Variants in ARHGEF10 observed in about 807,000 individuals in gnomAD.
ARHGEF10 encodes the protein Rho guanine nucleotide exchange factor (GEF) 10.
Under a neutral mutation model 147.4 loss-of-function variants are expected in ARHGEF10, and 140 were observed. The ratio of observed to expected loss-of-function variants is 0.95; its 90% confidence interval spans 0.83 to 1.09. The LOEUF is 1.09. Ranked by LOEUF, ARHGEF10 falls within the 50% of genes least tolerant of loss-of-function variation. The pLI is 0.00. For missense variants in ARHGEF10, 2,222 were observed against 1,752.7 expected (o/e 1.27, Z -4.78); for synonymous variants, 902 against 695.8 (o/e 1.30, Z -4.67).
rs769247892 is a variant in ARHGEF10 at position 1,905,611 on chromosome 8, A to G, written c.1862A>G (p.Asp621Gly). Residue 621 changes from aspartate (D) to glycine (G), a missense_variant, in exon 17 of 29, where the codon GAT becomes GGT. Asp to Gly is a moderately conservative substitution (Grantham distance 94). Transcript: ENST00000349830. ...SGSRYLIRSDDMIETVYNDRG... is the reference protein window; with the variant it reads ...SGSRYLIRSDGMIETVYNDRG... The stretch of plus-strand genomic sequence containing the variant: ...AGCCGATACCTCATTCGATCAGATG[A>G]TATGATAGAAACAGTTTACAACGAC... The G allele has an allele frequency of 7.4e-6, 12 of 1,614,096 alleles. No homozygotes were observed. Among genetic ancestry groups the G allele is most frequent in the African/African-American group, 1.3e-5 (1 of 74,918 alleles).
chr8:1,881,565 C>T (rs1234976071), intron 9 of ARHGEF10, among the ~76,000 whole-genome samples: 1 of 147,146 alleles, frequency 6.8e-6, no homozygotes, highest in African/African-American at 2.6e-5. Context: ...GCAGGGGAGC[C>T]CCCGGGGGAT....
chr8:1,826,587 C>T (rs1194021101), intron 1 of ARHGEF10, among the ~76,000 whole-genome samples: 1 of 152,132 alleles, frequency 6.6e-6, no homozygotes, highest in African/African-American at 2.4e-5. Flanking sequence ...TACGAAGTTG[C>T]TAGAAGGCGT....
At chr8:1,823,412 G>T (rs547319298), upstream of ARHGEF10, among the ~76,000 whole-genome samples, 4 of 151,890 alleles carry the variant, frequency 2.6e-5, no homozygotes, top group East Asian at 7.8e-4. Flanking sequence ...TCCTCGGCTG[G>T]GCGCACCCCG....
At chr8:1,863,206 C>G (rs1466317428) in intron 4 of ARHGEF10, among the ~76,000 whole-genome samples, 3 of 152,136 alleles carry the variant, frequency 2.0e-5, no homozygotes, top group African/African-American at 7.2e-5. Flanking sequence ...AGGAAGGTGG[C>G]CCGGAACACT....
rs762392908 is a variant in ARHGEF10, at chr8:1,869,422, A to ATG, written c.679+181_679+182dup. ...GTGGAATATTGGTGTTTGTGCACAT[A>ATG]TGTGTGTGTGCTTATAACCCTTGAA... On this transcript the variant is annotated intron_variant, in intron 7 of 28. Transcript: ENST00000349830. The ATG allele has an allele frequency of 4.2e-6, 3 of 715,202 alleles. No homozygotes were observed. In the African/African-American group the frequency reaches 5.2e-5, roughly 12 times the overall value. The allele number at this position is 715,202 out of a possible 1,614,324, so 44.3% of individuals were successfully genotyped here. A position where few individuals can be genotyped will look rare whatever the true frequency, so the allele number is the denominator to read the frequency against.
chr8:1,857,949 T>A lies in ARHGEF10; in HGVS notation c.38-11T>A. The A allele has an allele frequency of 6.3e-7, 1 of 1,594,650 alleles. No homozygotes were observed. The highest frequency in any genetic ancestry group is 8.6e-7 in the Non-Finnish European group (1 of 1,166,836). The stretch of plus-strand genomic sequence containing the variant: ...ATCTCTCCTTGATGTGGTTTTGGTT[T>A]TTCTTTTTAGAAAATGAAATGAAAT... On this transcript the variant is annotated splice_polypyrimidine_tract_variant and intron_variant, in intron 2 of 28. Coordinates refer to ENST00000349830, the MANE Select transcript of ARHGEF10 (RefSeq NM_014629.4).
chr8:1,823,476 C>T (rs112279097), upstream of ARHGEF10, among the ~76,000 whole-genome samples: 37 of 152,186 alleles, frequency 2.4e-4, no homozygotes, highest in Middle Eastern at 6.8e-3. Flanking sequence ...GCCCGACGCC[C>T]CCTCCCTCAG....
chr8:1,839,040 C>T lies in ARHGEF10; in HGVS notation c.-47-4313C>T, dbSNP rs189921672. ...ATGTGGGGACTGTCCAGCGTGGAAGCTGTCTGGTGTGGAAGCTGTCCGATA... is the reference window on the plus strand; with the variant it reads ...ATGTGGGGACTGTCCAGCGTGGAAGTTGTCTGGTGTGGAAGCTGTCCGATA... On this transcript the variant is annotated intron_variant, in intron 1 of 28. Coordinates refer to ENST00000349830, the MANE Select transcript of ARHGEF10 (RefSeq NM_014629.4). 2.1e-3 allele frequency among the ~76,000 whole-genome samples: 312 copies of T among 152,042 alleles called. 2 individuals are homozygous for T. The highest frequency in any genetic ancestry group is 7.3e-3 in the African/African-American group (304 of 41,444).
At chr8:1,902,283 G>A (rs901938984) in intron 15 of ARHGEF10, among the ~76,000 whole-genome samples, 10 of 152,092 alleles carry the variant, frequency 6.6e-5, no homozygotes, top group Admixed American at 1.3e-4. Flanking sequence ...AAACGTCAGC[G>A]TGTCGAATGT....
intron 2 of ARHGEF10, among the ~76,000 whole-genome samples, chr8:1,854,558 A>G (rs1005296268): frequency 1.4e-5 from 2 of 138,628 alleles, no homozygotes; most frequent in African/African-American, 2.5e-5. Context: ...AGTGTCTGCC[A>G]GTCTTTCAAT....
rs1815745681 is a variant in ARHGEF10 at position 1,958,401 on chromosome 8, A to C, written c.*1138A>C. 1 of 152,200 alleles carries C rather than the reference A, an allele frequency of 6.6e-6. No individual in the cohort carries two copies. Among genetic ancestry groups the C allele is most frequent in the Non-Finnish European group, 1.5e-5 (1 of 68,040 alleles). The allele number at this position is 152,200 out of a possible 1,614,324, so 9.4% of individuals were successfully genotyped here. A position where few individuals can be genotyped will look rare whatever the true frequency, so the allele number is the denominator to read the frequency against. ...ATACTTAGTGAGCGCCATCCTGCTGAACGTGTATTTCAGTGTTTCACTTAC... is the reference window on the plus strand; with the variant it reads ...ATACTTAGTGAGCGCCATCCTGCTGCACGTGTATTTCAGTGTTTCACTTAC... On this transcript the variant is annotated 3_prime_UTR_variant, in exon 29 of 29. Coordinates refer to ENST00000349830, the MANE Select transcript of ARHGEF10 (RefSeq NM_014629.4).
intron 22 of ARHGEF10, 67 bp from the exon 23 acceptor site, chr8:1,926,310 C>G (rs576124557): frequency 2.3e-6 from 3 of 1,280,662 alleles, no homozygotes; most frequent in South Asian, 2.4e-5. Context: ...CCATTTAAGA[C>G]GTTATGTAGT....
chr8:1,946,958 T>G (rs1000434710), intron 27 of ARHGEF10, among the ~76,000 whole-genome samples: 6 of 152,190 alleles, frequency 3.9e-5, no homozygotes, highest in African/African-American at 1.4e-4. Flanking sequence ...CTACAGGAGA[T>G]TTCTCTTAGT....
At chr8:1,827,662 C>G (rs1178945624) in intron 1 of ARHGEF10, among the ~76,000 whole-genome samples, 66 of 152,246 alleles carry the variant, frequency 4.3e-4, no homozygotes, top group East Asian at 7.7e-4. Flanking sequence ...TTGCCATTTC[C>G]TGCTTTTTGT....
chr8:1,889,921 GTGAGTGGGGCGAGGGTTGTGAGGAGACAC>G (rs1424083535), intron 11 of ARHGEF10, among the ~76,000 whole-genome samples: 2 of 131,602 alleles, frequency 1.5e-5, no homozygotes, highest in African/African-American at 6.2e-5. Flanking sequence ...TTAGGAGGCA[GTGAGTGGGGCGAGGGTTGTGAGGAGACAC>G]TGAGTGGGGG....
intron 2 of ARHGEF10, among the ~76,000 whole-genome samples, chr8:1,843,691 C>T (rs543775360): frequency 1.3e-5 from 2 of 152,224 alleles, no homozygotes; most frequent in African/African-American, 4.8e-5. Context: ...TGGTCAGCAT[C>T]TGAAATTCCC....
At chr8:1,864,135 G>T (rs1021590832) in intron 4 of ARHGEF10, among the ~76,000 whole-genome samples, 1 of 152,168 alleles carries the variant, frequency 6.6e-6, no homozygotes, top group Admixed American at 6.5e-5. Flanking sequence ...TTTGGGTGCT[G>T]GTGCAGTTTA....
chr8:1,842,607 C>A (rs1020901362), intron 1 of ARHGEF10, among the ~76,000 whole-genome samples: 1 of 152,226 alleles, frequency 6.6e-6, no homozygotes, highest in African/African-American at 2.4e-5. Context: ...GTGCTAGAGC[C>A]TGGTCCCTGG....
At chr8:1,930,990 T>C (rs946668451) in intron 25 of ARHGEF10, among the ~76,000 whole-genome samples, 9 of 152,254 alleles carry the variant, frequency 5.9e-5, no homozygotes, top group African/African-American at 2.2e-4. Flanking sequence ...CTGCACCCCC[T>C]CTTCACTTGG....
Sources: allele counts gnomAD v4.1 joint callset (sites outside exome capture counted in the v4.1 genomes callset), GRCh38; gene constraint gnomAD v4.1.1; transcripts MANE v1.5; gene names NCBI Gene and HGNC (gene_info 2026-07-23, HGNC 2026-07-21).